The following CNTN3 variants were observed in gnomAD, a reference collection of about 807,000 sequenced individuals.
CNTN3 encodes contactin-3.
Under a neutral mutation model 119.1 loss-of-function variants are expected in CNTN3, and 60 were observed. The ratio of observed to expected loss-of-function variants is 0.50; its 90% CI spans 0.41 to 0.62. The LOEUF is 0.62. Among genes scored for constraint, CNTN3 ranks in the 20% least tolerant of loss-of-function variants. The pLI, the probability that CNTN3 is intolerant of heterozygous loss-of-function variation, is 0.00. For missense variants in CNTN3, 1,101 were observed against 1,242.4 expected (o/e 0.89, Z 1.71); for synonymous variants, 450 against 438.7 (o/e 1.03, Z -0.32).
chr3:74,397,851 T>C (rs1362384377), intron 5 of CNTN3, among the ~76,000 whole-genome samples: 1 of 152,138 alleles, frequency 6.6e-6, no homozygotes. Context: ...ATTCTAACTT[T>C]CATGTATGAC....
At chr3:74,544,323 T>C (rs771983618) in intron 1 of CNTN3, among the ~76,000 whole-genome samples, 3 of 152,234 alleles carry the variant, frequency 2.0e-5, no homozygotes, top group South Asian at 2.1e-4. Context: ...GAAAAGAGCC[T>C]TTCTGCGTTT....
At chr3:74,600,962 A>G (rs1704899822) in intron 1 of CNTN3, among the ~76,000 whole-genome samples, 3 of 151,982 alleles carry the variant, frequency 2.0e-5, no homozygotes, top group East Asian at 1.9e-4. Context: ...TTTAGCATAC[A>G]GCATCTCTCT....
At chr3:74,592,174 T>C (rs572214380) in intron 1 of CNTN3, among the ~76,000 whole-genome samples, 2 of 151,966 alleles carry the variant, frequency 1.3e-5, no homozygotes, top group African/African-American at 4.8e-5. Flanking sequence ...ACCACAGAAC[T>C]TGACATTAAG....
At chr3:74,526,552 C>T (rs1013738848) in intron 1 of CNTN3, among the ~76,000 whole-genome samples, 1 of 151,774 alleles carries the variant, frequency 6.6e-6, no homozygotes, top group Non-Finnish European at 1.5e-5. Flanking sequence ...TCCCTCCTGC[C>T]GAAAACTGGC....
In CNTN3 at chr3:74,470,230, G is replaced by A. The variant is rs889042602; in HGVS notation, c.358+16226C>T. On this transcript the variant is annotated intron_variant, in intron 4 of 22. Coordinates refer to ENST00000263665, the MANE Select transcript of CNTN3 (RefSeq NM_020872.3). ...GGCTAATGGGCATGGTTTCTTTGGG[G>A]TATGATAATAACTCTCTAAAATTAA... Among the ~76,000 whole-genome samples the A allele has an allele frequency of 1.2e-4, 19 of 152,086 alleles. 1 individual carries two copies. Among genetic ancestry groups the A allele is most frequent in the Non-Finnish European group, 1.5e-5 (1 of 68,020 alleles).
At chr3:74,613,204 T>G (rs1022655511) in intron 1 of CNTN3, among the ~76,000 whole-genome samples, 1 of 152,190 alleles carries the variant, frequency 6.6e-6, no homozygotes, top group Non-Finnish European at 1.5e-5. Flanking sequence ...AGGATTCTTT[T>G]TCAGCTAGTG....
chr3:74,353,750 C>T (rs1289525210), intron 11 of CNTN3, among the ~76,000 whole-genome samples: 2 of 150,902 alleles, frequency 1.3e-5, no homozygotes, highest in East Asian at 1.9e-4. Flanking sequence ...AGCGAGACTC[C>T]GTCTCAAAAA....
At chr3:74,594,449 C>A (rs1025650594) in intron 1 of CNTN3, among the ~76,000 whole-genome samples, 1 of 151,806 alleles carries the variant, frequency 6.6e-6, no homozygotes, top group African/African-American at 2.4e-5. Context: ...CCCTCTCCCC[C>A]CACCCCACAA....
chr3:74,266,696 T>C (rs1701668166), intron 21 of CNTN3, 47 bp from the exon 22 acceptor site: 1 of 1,570,090 alleles, frequency 6.4e-7, no homozygotes, highest in Non-Finnish European at 8.7e-7. Context: ...TGCCCATTTT[T>C]GTTTTCTTCA....
chr3:74,513,753 G>A (rs1019246739), intron 2 of CNTN3, among the ~76,000 whole-genome samples: 2 of 152,050 alleles, frequency 1.3e-5, no homozygotes, highest in African/African-American at 4.8e-5. Flanking sequence ...AACTGTCCTT[G>A]TAGTTAAGAG....
chr3:74,452,415 G>A (rs1702176648), intron 4 of CNTN3, among the ~76,000 whole-genome samples: 1 of 142,618 alleles, frequency 7.0e-6, no homozygotes, highest in African/African-American at 2.7e-5. Flanking sequence ...GAGATTTTGG[G>A]CTGAGACGAT....
chr3:74,452,764 T>A (rs577182585), intron 4 of CNTN3, among the ~76,000 whole-genome samples: 4,008 of 150,704 alleles, frequency 0.027, 94 homozygotes, highest in South Asian at 0.041. Flanking sequence ...TCTGCATCTA[T>A]TGAGATAATC....
At chr3:74,504,014 A>C (rs1027231725) in intron 2 of CNTN3, among the ~76,000 whole-genome samples, 25 of 152,128 alleles carry the variant, frequency 1.6e-4, no homozygotes, top group Admixed American at 5.2e-4. Flanking sequence ...GCAGACGATC[A>C]ATTCTAATGG....
chr3:74,364,343 T>C, intron 10 of CNTN3, 124 bp downstream of exon 10: 2 of 889,708 alleles, frequency 2.2e-6, no homozygotes, highest in Admixed American at 5.1e-5. Flanking sequence ...AATGATCGTG[T>C]TGTAATACTG....
intron 1 of CNTN3, among the ~76,000 whole-genome samples, chr3:74,584,456 G>A (rs1704562209): frequency 6.6e-6 from 1 of 152,032 alleles, no homozygotes; most frequent in Non-Finnish European, 1.5e-5. Context: ...CATTCTGAGG[G>A]TAACGAGTGA....
At position 74,604,915 on chromosome 3, in the gene CNTN3, A is replaced by T. The variant is rs146282582; in HGVS notation, c.-81+9476T>A. ...AATACAAATTTAAGTGTCCAACAAC[A>T]GATGAATAAAATGTGGTATATACAC... On this transcript the variant is annotated intron_variant, in intron 1 of 22. Coordinates refer to ENST00000263665, the MANE Select transcript of CNTN3 (RefSeq NM_020872.3). Among the ~76,000 whole-genome samples, 216 of 152,312 alleles carry T rather than the reference A, an allele frequency of 1.4e-3. 1 individual carries two copies. Among genetic ancestry groups the T allele is most frequent in the African/African-American group, 5.1e-3 (213 of 41,590 alleles).
At chr3:74,286,051 G>T (rs576158789) in intron 19 of CNTN3, among the ~76,000 whole-genome samples, 2 of 151,812 alleles carry the variant, frequency 1.3e-5, no homozygotes, top group Non-Finnish European at 2.9e-5. Flanking sequence ...ACAACTGAAA[G>T]AACAGACTAT....
At chr3:74,473,183 A>G (rs1179406857) in intron 4 of CNTN3, among the ~76,000 whole-genome samples, 1 of 143,560 alleles carries the variant, frequency 7.0e-6, no homozygotes, top group African/African-American at 2.6e-5. Flanking sequence ...CAGAAAAGCG[A>G]AAAAAAAAAA....
At chr3:74,309,060 C>A (rs1163210243) in intron 13 of CNTN3, among the ~76,000 whole-genome samples, 8 of 152,034 alleles carry the variant, frequency 5.3e-5, no homozygotes, top group Admixed American at 1.3e-4. Context: ...TAGCTAATGA[C>A]AGGCCTAATA....
Sources: allele counts gnomAD v4.1 joint callset (sites outside exome capture counted in the v4.1 genomes callset), GRCh38; gene constraint gnomAD v4.1.1; transcripts MANE v1.5; gene names NCBI Gene and HGNC (gene_info 2026-07-23, HGNC 2026-07-21).